The following TYRO3 variants were observed in gnomAD, a reference collection of about 807,000 sequenced individuals.
TYRO3 encodes the protein TYRO3 protein tyrosine kinase.
TYRO3 carries 38 observed loss-of-function variants against 95.2 expected under a neutral mutation model. The observed-to-expected ratio is 0.40, with a 90% CI of 0.31 to 0.52. The LOEUF is 0.52. Ranked by LOEUF, TYRO3 falls within the 20% of genes least tolerant of loss-of-function variation. The probability of loss-of-function intolerance (pLI) is 0.56; values close to 1 mark genes in which losing one functional copy is unlikely to be tolerated. For missense variants in TYRO3, 812 were observed against 1,116.4 expected (o/e 0.73, Z 3.89); for synonymous variants, 367 against 432.9 (o/e 0.85, Z 1.89).
intron 3 of TYRO3, 53 bp from the exon 4 acceptor site, chr15:41,562,495 A>T (rs1595499188): frequency 1.3e-6 from 2 of 1,482,314 alleles, no homozygotes; most frequent in African/African-American, 1.4e-5. Flanking sequence ...TGATTTGTAC[A>T]GTAGGAAGCC....
At position 41,567,517 on chromosome 15, in the gene TYRO3, C is replaced by T. The variant is rs144221692; in HGVS notation, c.941C>T (p.Pro314Leu). Residue 314 changes from proline to leucine, a missense_variant, in exon 7 of 19, where the codon CCC (proline) becomes CTC (leucine). Coordinates refer to ENST00000263798, the MANE Select transcript of TYRO3 (RefSeq NM_006293.4). Reference protein sequence around the residue: ...LGPSPYADWVPFQTKGLAPAS... With the variant: ...LGPSPYADWVLFQTKGLAPAS... ...CCCTCTCCCTATGCTGACTGGGTGC[C>T]CTTTCAGACCAAGGGTCTAGGTAAG... 1.9e-4 allele frequency: 301 copies of T among 1,579,868 alleles called. 1 individual carries two copies. In the Middle Eastern group the frequency reaches 5.2e-3, roughly 27 times the overall value.
Position 41,581,793 on chromosome 15 carries a change from A to C in TYRO3, c.*3517A>C, listed in dbSNP as rs2055925411. The C allele has an allele frequency of 1.5e-5, 2 of 135,884 alleles. No homozygotes were observed. The highest frequency in any genetic ancestry group is 3.0e-5 in the Non-Finnish European group (2 of 65,842). 8.4% of individuals were successfully genotyped at this position (135,884 alleles called of 1,614,324 possible). A position where few individuals can be genotyped will look rare whatever the true frequency, so the allele number is the denominator to read the frequency against. ...CAGTGAACTGAGATGGCACCAGTGC[A>C]CTCCAGCCTGGGTGACAGAGCGAGA... On this transcript the variant is annotated 3_prime_UTR_variant, in exon 19 of 19. Transcript: ENST00000263798.
chr15:41,570,088 G>C lies in TYRO3; in HGVS notation c.1314G>C (p.Thr438=). Residue 438 remains threonine, a synonymous_variant, in exon 10 of 19, where the codon ACG becomes ACC. Coordinates refer to ENST00000263798, the MANE Select transcript of TYRO3 (RefSeq NM_006293.4). ...TACCTGTGGTCCTTGGTGTGCTAAC[G>C]GCCCTGGTGACGGCTGCTGCCCTGG... is the stretch of plus-strand genomic sequence containing the variant. The part of the protein sequence containing the change: ...SWVPVVLGVL[T]ALVTAAALAL... 6.2e-7 allele frequency: 1 copy of C among 1,614,100 alleles called. No homozygotes were observed. Among genetic ancestry groups the C allele is most frequent in the Non-Finnish European group, 8.5e-7 (1 of 1,180,040 alleles).
intron 5 of TYRO3, chr15:41,564,785 A>T: frequency 1.9e-6 from 1 of 517,276 alleles, no homozygotes; most frequent in South Asian, 2.1e-5. Flanking sequence ...TCAGTTACAC[A>T]GGGCCTTCGT....
chr15:41,562,437 G>A (rs1007480362), intron 3 of TYRO3, 111 bp from the exon 4 acceptor site: 2 of 1,159,234 alleles, frequency 1.7e-6, no homozygotes, highest in Admixed American at 2.2e-5. Context: ...ATCATAAGGG[G>A]CCTGTGGGAA....
intron 13 of TYRO3, 106 bp downstream of exon 13, chr15:41,571,224 T>C (rs1175772360): frequency 9.5e-6 from 10 of 1,048,356 alleles, no homozygotes; most frequent in South Asian, 2.7e-5. Context: ...CAAGAAGAGC[T>C]GGGCAGCACT....
chr15:41,560,629 C>T (rs938003895), intron 1 of TYRO3, among the ~76,000 whole-genome samples: 4 of 152,262 alleles, frequency 2.6e-5, no homozygotes, highest in African/African-American at 4.8e-5. Flanking sequence ...TTTGATCTGA[C>T]GTGGTTTTGC....
Position 41,578,345 on chromosome 15 carries a change from C to A in TYRO3, c.*69C>A. On this transcript the variant is annotated 3_prime_UTR_variant, in exon 19 of 19. Transcript: ENST00000263798. ...GCCACTGAGCTGGCTGACTAAGCCC[C>A]GTCTGACCCCAGCCCAGACAGCAAG... 1.9e-6 allele frequency: 3 copies of A among 1,580,072 alleles called. No individual in the cohort carries two copies. Among genetic ancestry groups the A allele is most frequent in the East Asian group, 2.3e-5 (1 of 44,372 alleles).
chr15:41,562,635 CT>C lies in TYRO3; in HGVS notation c.498del (p.Glu167AsnfsTer24). On this transcript the variant is annotated frameshift_variant, in exon 4 of 19. Transcript: ENST00000263798. LOFTEE classifies it high-confidence loss of function. ...CTGTCTTGTGAGGCTGTGGGTCCCC[CT>C]GAACCTGTTACCATTGTCTGGTGGA... is the stretch of plus-strand genomic sequence containing the variant. ...FQLSCEAVGP[P>X]EPVTIVWWRG... 6.2e-7 allele frequency: 1 copy of C among 1,614,114 alleles called. No individual in the cohort carries two copies. The highest frequency in any genetic ancestry group is 8.5e-7 in the Non-Finnish European group (1 of 1,180,052).
At chr15:41,564,989 T>C (rs761366647) in intron 5 of TYRO3, 37 bp from the exon 6 acceptor site, 4 of 1,402,616 alleles carry the variant, frequency 2.9e-6, no homozygotes, top group Non-Finnish European at 3.0e-6. Flanking sequence ...TCTGCTCATA[T>C]CCCTACTGGG....
In TYRO3 at chr15:41,577,934, G is replaced by A. The variant is rs1235117860; in HGVS notation, c.2331G>A (p.Pro777=). 4.3e-6 allele frequency: 7 copies of A among 1,613,142 alleles called. No homozygotes were observed. Among genetic ancestry groups the A allele is most frequent in the Admixed American group, 3.3e-5 (2 of 60,004 alleles). ...QCWSADPKQR[P]SFTCLRMELE... is the part of the protein sequence containing the mutation. The stretch of plus-strand genomic sequence containing the variant: ...GGAGTGCTGACCCCAAGCAGCGCCC[G>A]AGCTTTACTTGTCTGCGAATGGAAC... Residue 777 remains proline, a synonymous_variant, in exon 19 of 19, where the codon CCG becomes CCA. Transcript: ENST00000263798.
chr15:41,573,954 C>T (rs914904922), intron 18 of TYRO3, 139 bp downstream of exon 18: 10 of 903,864 alleles, frequency 1.1e-5, no homozygotes, highest in East Asian at 1.0e-4. Flanking sequence ...CACTCCACCT[C>T]ATACTCACTG....
chr15:41,560,220 C>G (rs1194871773), intron 1 of TYRO3, among the ~76,000 whole-genome samples: 1 of 152,052 alleles, frequency 6.6e-6, no homozygotes, highest in Non-Finnish European at 1.5e-5. Flanking sequence ...AACGGGGTGA[C>G]GAGTATTTAC....
At position 41,578,325 on chromosome 15, in the gene TYRO3, TGA is replaced by T. The variant is rs1419985489; in HGVS notation, c.*51_*52del. 1 of 1,606,506 alleles carries T rather than the reference TGA, an allele frequency of 6.2e-7. No homozygotes were observed. The highest frequency in any genetic ancestry group is 1.1e-5 in the South Asian group (1 of 89,916). On this transcript the variant is annotated 3_prime_UTR_variant, in exon 19 of 19. Coordinates refer to ENST00000263798, the MANE Select transcript of TYRO3 (RefSeq NM_006293.4). ...CCATTTGGCCGGCTCTGGTGGCCAC[TGA>T]GCTGGCTGACTAAGCCCCGTCTGAC...
chr15:41,576,695 G>A (rs948469303), intron 18 of TYRO3, among the ~76,000 whole-genome samples: 1 of 124,698 alleles, frequency 8.0e-6, no homozygotes, highest in Non-Finnish European at 1.6e-5. Context: ...AAAGGGCCTC[G>A]CTCTGACAGC....
At chr15:41,570,385 G>C (rs1225656875) in intron 11 of TYRO3, 45 bp downstream of exon 11, 1 of 1,581,896 alleles carries the variant, frequency 6.3e-7, no homozygotes, top group Admixed American at 1.7e-5. Flanking sequence ...GCTGTCTTGT[G>C]CCCCATCTGC....
Position 41,578,297 on chromosome 15 carries a change from G to A in TYRO3, c.*21G>A, listed in dbSNP as rs1318435260. ...GTTAGCCCACAGGCAGAGGGCATCG[G>A]GGCCATTTGGCCGGCTCTGGTGGCC... On this transcript the variant is annotated 3_prime_UTR_variant, in exon 19 of 19. Coordinates refer to ENST00000263798, the MANE Select transcript of TYRO3 (RefSeq NM_006293.4). 12 of 1,612,646 alleles carry A rather than the reference G, an allele frequency of 7.4e-6. No individual in the cohort carries two copies. The Admixed American group carries it at 8.3e-5, about 11-fold the overall frequency.
chr15:41,568,480 G>T, intron 8 of TYRO3, 118 bp downstream of exon 8: 1 of 1,062,492 alleles, frequency 9.4e-7, no homozygotes, highest in Non-Finnish European at 1.3e-6. Context: ...CGCAGCCCCA[G>T]GGAATCCTTT....
In TYRO3 at chr15:41,568,975, G is replaced by A; in HGVS notation, c.1205G>A (p.Cys402Tyr). 6.2e-7 allele frequency: 1 copy of A among 1,614,188 alleles called. No individual in the cohort carries two copies. Among genetic ancestry groups the A allele is most frequent in the East Asian group, 2.2e-5 (1 of 44,880 alleles). The change falls in exon 9 of 19, where the codon TGT (cysteine) becomes TAT (tyrosine). Residue 402 changes from cysteine to tyrosine, a missense_variant. By Grantham distance (194) the Cys-to-Tyr change is radical. Transcript: ENST00000263798. Reference protein sequence around the residue: ...VRVCVSNAVGCGPWSQPLVVS... With the variant: ...VRVCVSNAVGYGPWSQPLVVS... ...GTGTGCGTCTCCAATGCAGTTGGCT[G>A]TGGACCCTGGAGTCAGCCACTGGTG...
Sources: allele counts gnomAD v4.1 joint callset (sites outside exome capture counted in the v4.1 genomes callset), GRCh38; gene constraint gnomAD v4.1.1; transcripts MANE v1.5; gene names NCBI Gene and HGNC (gene_info 2026-07-23, HGNC 2026-07-21).